NVL: variants seen among roughly 807,000 people sequenced by gnomAD.
NVL encodes the protein nuclear VCP like, also known as nuclear valosin-containing protein-like.
In NVL, 84 loss-of-function variants were observed where a neutral mutation model predicts 110.2. That is an observed-to-expected ratio of 0.76 (90% CI 0.64 to 0.91). The LOEUF is 0.91. NVL is among the 40% of genes least tolerant of loss of function. NVL has a pLI of 0.00. For synonymous variants in NVL, 354 were observed against 361.1 expected (o/e 0.98, Z 0.22); for missense variants, 882 against 1,035.9 (o/e 0.85, Z 2.04).
At chr1:224,306,349 C>T (rs1406795925) in intron 6 of NVL, among the ~76,000 whole-genome samples, 2 of 152,110 alleles carry the variant, frequency 1.3e-5, no homozygotes, top group Non-Finnish European at 2.9e-5. Context: ...GCACTGCAAG[C>T]TCCGCCTGCC....
At chr1:224,269,190 C>T (rs1443174098) in intron 17 of NVL, among the ~76,000 whole-genome samples, 2 of 150,338 alleles carry the variant, frequency 1.3e-5, no homozygotes, top group Admixed American at 6.7e-5. Context: ...TGGGCTCAAG[C>T]AGTCCTCCGA....
Position 224,250,193 on chromosome 1 carries a change from T to C in NVL, c.2289+19A>G, listed in dbSNP as rs914201579. 4 of 1,605,252 alleles carry C rather than the reference T, an allele frequency of 2.5e-6. No individual in the cohort carries two copies. The highest frequency in any genetic ancestry group is 3.4e-6 in the Non-Finnish European group (4 of 1,176,992). ...AACAAGAGAAACATATACAAAAATA[T>C]ACCATTTCCTTTACTCACTTTTGTG... is the stretch of plus-strand genomic sequence containing the variant. On this transcript the variant is annotated intron_variant, in intron 19 of 22. Transcript: ENST00000281701.
At chr1:224,296,742 T>C (rs1667920521) in intron 10 of NVL, 124 bp from the exon 11 acceptor site, 1 of 599,278 alleles carries the variant, frequency 1.7e-6, no homozygotes. Flanking sequence ...AGAATAACCC[T>C]AAAGAAGGCA....
At chr1:224,263,395 T>G (rs1231576131) in intron 18 of NVL, among the ~76,000 whole-genome samples, 1 of 152,240 alleles carries the variant, frequency 6.6e-6, no homozygotes, top group Non-Finnish European at 1.5e-5. Context: ...TTGTTATTAC[T>G]GGTGATTGTT....
At chr1:224,292,894 G>C (rs1052073171) in intron 12 of NVL, among the ~76,000 whole-genome samples, 35 of 151,868 alleles carry the variant, frequency 2.3e-4, no homozygotes, top group African/African-American at 8.5e-4. Flanking sequence ...GGGATTACAG[G>C]CATGCACCAT....
At position 224,308,017 on chromosome 1, in the gene NVL, G is replaced by A; in HGVS notation, c.589C>T (p.Pro197Ser). 6.5e-7 allele frequency: 1 copy of A among 1,544,346 alleles called. No homozygotes were observed. Among genetic ancestry groups the A allele is most frequent in the Middle Eastern group, 1.7e-4 (1 of 5,748 alleles). Residue 197 changes from proline (P) to serine (S), a missense_variant, in exon 6 of 23, where the codon CCT becomes TCT. Transcript: ENST00000281701. ...FLDLSCEKSNPKKPITEIQDS... is the reference protein window; with the variant it reads ...FLDLSCEKSNSKKPITEIQDS... ...TGTATCTCAGTTATTGGCTTCTTAG[G>A]ATTACTTTTCTCACATGACAGGTCC...
intron 13 of NVL, among the ~76,000 whole-genome samples, chr1:224,288,517 G>A (rs1218707664): frequency 6.6e-6 from 1 of 152,054 alleles, no homozygotes; most frequent in African/African-American, 2.4e-5. Flanking sequence ...TAAAAAACAG[G>A]TAACCAATTA....
chr1:224,298,331 C>A, intron 10 of NVL: 2 of 214,726 alleles, frequency 9.3e-6, no homozygotes, highest in Non-Finnish European at 1.8e-5. Flanking sequence ...TAACGTTATC[C>A]AGCATGCTGC....
intron 17 of NVL, among the ~76,000 whole-genome samples, chr1:224,274,264 C>T (rs576502638): frequency 7.3e-5 from 11 of 151,304 alleles, no homozygotes; most frequent in Non-Finnish European, 1.5e-4. Flanking sequence ...GCACTCCAGC[C>T]TGGGAGAAAG....
intron 13 of NVL, 177 bp downstream of exon 13, chr1:224,289,307 A>G: frequency 1.7e-6 from 1 of 579,370 alleles, no homozygotes; most frequent in Non-Finnish European, 2.8e-6. Context: ...AACTAAACAT[A>G]AAACAACTCA....
intron 5 of NVL, among the ~76,000 whole-genome samples, chr1:224,308,930 G>A (rs1277370033): frequency 4.0e-5 from 6 of 149,034 alleles, no homozygotes; most frequent in Non-Finnish European, 7.5e-5. Context: ...GCGTGATGGC[G>A]GACGCCTGTA....
At chr1:224,263,914 C>T (rs1019477302) in intron 18 of NVL, among the ~76,000 whole-genome samples, 2 of 152,170 alleles carry the variant, frequency 1.3e-5, no homozygotes, top group Non-Finnish European at 2.9e-5. Context: ...ACTCGGGAGG[C>T]TGAGGCAGGA....
intron 19 of NVL, among the ~76,000 whole-genome samples, chr1:224,244,346 G>A (rs1319991313): frequency 1.3e-5 from 2 of 151,230 alleles, no homozygotes; most frequent in African/African-American, 2.4e-5. Flanking sequence ...CAGCCTGGGC[G>A]ACAAGAGCAA....
intron 18 of NVL, among the ~76,000 whole-genome samples, chr1:224,252,899 T>G (rs1278651176): frequency 1.3e-5 from 2 of 152,262 alleles, no homozygotes; most frequent in African/African-American, 4.8e-5. Context: ...CTATCTGTTT[T>G]GGCACTATAG....
At chr1:224,274,559 C>A (rs905485327) in intron 17 of NVL, among the ~76,000 whole-genome samples, 26 of 152,008 alleles carry the variant, frequency 1.7e-4, no homozygotes, top group African/African-American at 6.3e-4. Flanking sequence ...ATCGCTTGAA[C>A]CCAGGAGGCG....
At chr1:224,329,394 AT>A (rs1671460988) in intron 1 of NVL, among the ~76,000 whole-genome samples, 1 of 152,152 alleles carries the variant, frequency 6.6e-6, no homozygotes, top group African/African-American at 2.4e-5. Context: ...CACTTCCAAC[AT>A]TTACAAGTTG....
chr1:224,288,006 A>C lies in NVL; in HGVS notation c.1576-13T>G, dbSNP rs752366966. 6.3e-7 allele frequency: 1 copy of C among 1,587,964 alleles called. No individual in the cohort carries two copies. Among genetic ancestry groups the C allele is most frequent in the Non-Finnish European group, 8.6e-7 (1 of 1,159,710 alleles). ...TTTGTAATTCATCCTTGAAGGGAAC[A>C]ATAGAGGGGAAAAAAATAAAGAAAC... On this transcript the variant is annotated splice_polypyrimidine_tract_variant and intron_variant, in intron 13 of 22. Transcript: ENST00000281701.
intron 4 of NVL, among the ~76,000 whole-genome samples, chr1:224,312,377 G>A (rs1001367971): frequency 6.6e-6 from 1 of 152,022 alleles, no homozygotes; most frequent in Admixed American, 6.6e-5. Context: ...GGATGAAGGA[G>A]CAAATAAATT....
At position 224,330,118 on chromosome 1, in the gene NVL, T is replaced by C. The variant is rs1317948604; in HGVS notation, c.10A>G (p.Arg4Gly). The C allele has an allele frequency of 6.2e-7, 1 of 1,614,052 alleles. No individual in the cohort carries two copies. Among genetic ancestry groups the C allele is most frequent in the East Asian group, 2.2e-5 (1 of 44,858 alleles). MKP[R>G]PAGFVDNKLK... Reference sequence around the variant, plus strand: ...TTATTATCCACGAACCCTGCAGGTCTGGGCTTCATCGCGTCGGTCTTCCAA... The same window carrying C: ...TTATTATCCACGAACCCTGCAGGTCCGGGCTTCATCGCGTCGGTCTTCCAA... The change falls in exon 1 of 23, where the codon AGA (arginine) becomes GGA (glycine). Residue 4 changes from arginine (R) to glycine (G), a missense_variant. Arg to Gly is a moderately radical substitution (Grantham distance 125). This residue lies in a region of NVL where 274 missense variants were observed against 268.4 expected (regional missense o/e 1.02). Transcript: ENST00000281701.
Sources: allele counts gnomAD v4.1 joint callset (sites outside exome capture counted in the v4.1 genomes callset), GRCh38; gene constraint gnomAD v4.1.1; regional missense constraint gnomAD v4.1.1; transcripts MANE v1.5; gene names NCBI Gene and HGNC (gene_info 2026-07-23, HGNC 2026-07-21).